The following CDH13 variants were observed in gnomAD, a reference collection of about 807,000 sequenced individuals.
The protein encoded by CDH13 is cadherin-13.
CDH13 carries 24 observed loss-of-function variants against 63.8 expected under a neutral mutation model. The observed-to-expected ratio is 0.38, with a 90% CI of 0.27 to 0.53. The LOEUF is 0.53. CDH13 is among the 20% of genes least tolerant of loss of function. The pLI, the probability that CDH13 is intolerant of heterozygous loss-of-function variation, is 0.85. For synonymous variants in CDH13, 503 were observed against 355.3 expected, an observed-to-expected ratio of 1.42 and a Z score of -4.67; for missense variants, 1,049 against 903.1, an observed-to-expected ratio of 1.16 and a Z score of -2.07.
intron 9 of CDH13, among the ~76,000 whole-genome samples, chr16:83,676,524 A>G (rs1914969130): frequency 6.6e-6 from 1 of 152,338 alleles, no homozygotes; most frequent in East Asian, 1.9e-4. Flanking sequence ...ACATTCTGGC[A>G]TCACTTGGGA....
At chr16:83,778,095 C>A (rs1567589440) in intron 11 of CDH13, among the ~76,000 whole-genome samples, 1 of 152,186 alleles carries the variant, frequency 6.6e-6, no homozygotes, top group Non-Finnish European at 1.5e-5. Context: ...TTGGCTCTAA[C>A]CTTTCTTGCA....
chr16:82,705,107 A>C (rs1013888572), intron 1 of CDH13: 2 of 455,828 alleles, frequency 4.4e-6, no homozygotes, highest in South Asian at 3.1e-5. Context: ...CCTGCAATTT[A>C]TCAAAAATAA....
chr16:83,423,864 A>C (rs2071796921), intron 6 of CDH13, among the ~76,000 whole-genome samples: 1 of 152,212 alleles, frequency 6.6e-6, no homozygotes, highest in Non-Finnish European at 1.5e-5. Flanking sequence ...GGGAAAGATA[A>C]TTCTTACTTT....
chr16:83,704,329 C>T (rs1259353065), intron 10 of CDH13, among the ~76,000 whole-genome samples: 1 of 152,148 alleles, frequency 6.6e-6, no homozygotes, highest in African/African-American at 2.4e-5. Flanking sequence ...CAATAAAATG[C>T]ACTCATGTTC....
chr16:83,411,980 C>T (rs1422628082), intron 6 of CDH13, among the ~76,000 whole-genome samples: 1 of 152,146 alleles, frequency 6.6e-6, no homozygotes, highest in African/African-American at 2.4e-5. Flanking sequence ...TGCAGGGTGC[C>T]ATTGTGCTAC....
intron 10 of CDH13, among the ~76,000 whole-genome samples, chr16:83,703,277 A>C (rs971438205): frequency 6.6e-6 from 1 of 152,210 alleles, no homozygotes; most frequent in African/African-American, 2.4e-5. Context: ...ATATCTCGAA[A>C]TAATCAGAAA....
At chr16:83,240,327 C>A (rs1426687367) in intron 5 of CDH13, among the ~76,000 whole-genome samples, 1 of 152,068 alleles carries the variant, frequency 6.6e-6, no homozygotes, top group African/African-American at 2.4e-5. Context: ...ATTCTGGCTT[C>A]TGAGTGAAAT....
intron 8 of CDH13, among the ~76,000 whole-genome samples, chr16:83,666,278 G>A (rs544408753): frequency 5.3e-5 from 8 of 151,934 alleles, no homozygotes; most frequent in Middle Eastern, 3.4e-3. Flanking sequence ...TATATAATGG[G>A]GTTAAAACAT....
chr16:83,606,256 A>G (rs1426150556), intron 8 of CDH13, among the ~76,000 whole-genome samples: 1 of 152,220 alleles, frequency 6.6e-6, no homozygotes, highest in African/African-American at 2.4e-5. Context: ...GTTGATAAGA[A>G]TACATGGTTT....
chr16:83,143,953 A>G (rs921392014), intron 4 of CDH13, among the ~76,000 whole-genome samples: 2 of 152,082 alleles, frequency 1.3e-5, no homozygotes, highest in Non-Finnish European at 2.9e-5. Flanking sequence ...GACGAGACAG[A>G]AGGCTGGTGG....
At chr16:83,438,741 A>G (rs2072395815) in intron 6 of CDH13, among the ~76,000 whole-genome samples, 1 of 152,242 alleles carries the variant, frequency 6.6e-6, no homozygotes, top group East Asian at 1.9e-4. Context: ...CCCCCAAATG[A>G]CAGAATGGTT....
At chr16:83,688,994 G>C (rs534234202) in intron 10 of CDH13, among the ~76,000 whole-genome samples, 64 of 152,248 alleles carry the variant, frequency 4.2e-4, no homozygotes, top group Middle Eastern at 6.8e-3. Flanking sequence ...GTCAATTAAA[G>C]GTGCTCAGTT....
intron 6 of CDH13, among the ~76,000 whole-genome samples, chr16:83,475,323 G>A (rs2073573837): frequency 6.6e-6 from 1 of 152,202 alleles, no homozygotes; most frequent in Non-Finnish European, 1.5e-5. Flanking sequence ...CGTTCAATGA[G>A]TCAGCATGTG....
At chr16:83,187,423 G>A (rs1464845995) in intron 4 of CDH13, among the ~76,000 whole-genome samples, 1 of 152,030 alleles carries the variant, frequency 6.6e-6, no homozygotes, top group Non-Finnish European at 1.5e-5. Flanking sequence ...CCCGTCATCA[G>A]TGATAAAACC....
rs141286866 is a variant in CDH13, at chr16:83,545,056, T to C, written c.961-57398T>C. Among the ~76,000 whole-genome samples, 1,006 of 152,342 alleles carry C rather than the reference T, an allele frequency of 6.6e-3. 17 individuals carry two copies. Among genetic ancestry groups the C allele is most frequent in the African/African-American group, 0.022 (931 of 41,570 alleles). On this transcript the variant is annotated intron_variant, in intron 7 of 13. Transcript: ENST00000567109. Reference sequence around the variant, plus strand: ...CTTAATGATGAAGCTTTTATTCTGTTCATCTCCTTCAGGGAGTACTTAAAA... The same window carrying C: ...CTTAATGATGAAGCTTTTATTCTGTCCATCTCCTTCAGGGAGTACTTAAAA...
intron 2 of CDH13, chr16:82,884,304 G>T: frequency 4.6e-6 from 2 of 432,012 alleles, no homozygotes; most frequent in Admixed American, 5.6e-5. Flanking sequence ...GCATGCTATT[G>T]AGAAAAGGAG....
At chr16:83,211,128 A>G (rs1391476484) in intron 4 of CDH13, among the ~76,000 whole-genome samples, 1 of 151,440 alleles carries the variant, frequency 6.6e-6, no homozygotes, top group Non-Finnish European at 1.5e-5. Flanking sequence ...AGCCTGGGTG[A>G]CAGAGCAAGA....
chr16:83,316,148 G>C (rs376726283), intron 5 of CDH13, among the ~76,000 whole-genome samples: 104 of 152,222 alleles, frequency 6.8e-4, no homozygotes, highest in African/African-American at 2.3e-3. Context: ...GATCTCATGA[G>C]AACTCACTGA....
chr16:83,003,252 G>C, intron 2 of CDH13, among the ~76,000 whole-genome samples: 1 of 152,216 alleles, frequency 6.6e-6, no homozygotes, highest in East Asian at 1.9e-4. Flanking sequence ...CTCTTGGGCG[G>C]TGAGAGGACT....
Sources: gnomAD v4.1 joint callset for allele counts (sites outside exome capture counted in the v4.1 genomes callset) on GRCh38, gnomAD v4.1.1 for gene constraint, MANE v1.5 for transcripts, NCBI Gene and HGNC (gene_info 2026-07-23, HGNC 2026-07-21) for gene names.